RBFOX1: variants seen among roughly 807,000 people sequenced by gnomAD.
RBFOX1 encodes the protein RNA binding fox-1 homolog 1, also known as RNA binding protein fox-1 homolog 1.
RBFOX1 carries 8 observed loss-of-function variants against 57.7 expected under a neutral mutation model. The ratio of observed to expected loss-of-function variants is 0.14; its 90% CI spans 0.08 to 0.25. RBFOX1 has a LOEUF of 0.25. RBFOX1 is among the 10% of genes least tolerant of loss of function. The pLI is 1.00. For missense variants in RBFOX1, 611 were observed against 548.5 expected (o/e 1.11, Z -1.14); for synonymous variants, 326 against 222.4 (o/e 1.47, Z -4.15).
intron 3 of RBFOX1, among the ~76,000 whole-genome samples, chr16:6,957,503 A>G (rs920885295): frequency 3.9e-5 from 6 of 152,238 alleles, no homozygotes; most frequent in East Asian, 1.9e-4. Context: ...CATGGCATTT[A>G]TAAACTTTCA....
intron 3 of RBFOX1, among the ~76,000 whole-genome samples, chr16:6,988,851 A>C (rs756435727): frequency 6.6e-6 from 1 of 150,972 alleles, no homozygotes; most frequent in Non-Finnish European, 1.5e-5. Flanking sequence ...GGCTCACTGC[A>C]TCCTCTCCCT....
At chr16:7,283,904 A>G (rs1439995977) in intron 4 of RBFOX1, among the ~76,000 whole-genome samples, 12 of 152,210 alleles carry the variant, frequency 7.9e-5, no homozygotes, top group Non-Finnish European at 1.8e-4. Flanking sequence ...TTTGGAGCAT[A>G]TTCGTCATTC....
intron 3 of RBFOX1, among the ~76,000 whole-genome samples, chr16:7,003,808 C>T (rs566128334): frequency 2.0e-5 from 3 of 152,212 alleles, no homozygotes; most frequent in East Asian, 3.9e-4. Flanking sequence ...GACTAAAGGA[C>T]AATTCCTTGT....
intron 4 of RBFOX1, among the ~76,000 whole-genome samples, chr16:7,229,852 G>A (rs372414996): frequency 0.038 from 181 of 4,826 alleles, 8 homozygotes; most frequent in East Asian, 0.071. Context: ...GAGAGAGAGG[G>A]AGGAAGGGAG....
At chr16:6,282,549 C>G (rs1156433264) in intron 1 of RBFOX1, among the ~76,000 whole-genome samples, 2 of 152,044 alleles carry the variant, frequency 1.3e-5, no homozygotes, top group East Asian at 3.9e-4. Context: ...CCCACCACCC[C>G]CGACAGGCCC....
intron 3 of RBFOX1, among the ~76,000 whole-genome samples, chr16:6,728,200 G>A (rs776049215): frequency 1.3e-5 from 2 of 152,148 alleles, no homozygotes; most frequent in African/African-American, 2.4e-5. Flanking sequence ...ACTTCTTACG[G>A]TCATTGTATC....
At chr16:5,609,470 A>G (rs2047698849) in intron 3 of RBFOX1, among the ~76,000 whole-genome samples, 1 of 152,188 alleles carries the variant, frequency 6.6e-6, no homozygotes, top group African/African-American at 2.4e-5. Flanking sequence ...CCAGGCTTTT[A>G]TTCAAGAAGG....
chr16:5,662,178 C>G (rs1432004084), intron 3 of RBFOX1, among the ~76,000 whole-genome samples: 1 of 152,102 alleles, frequency 6.6e-6, no homozygotes, highest in Admixed American at 6.6e-5. Context: ...AACTGGGATT[C>G]GTATCAAAGT....
intron 4 of RBFOX1, among the ~76,000 whole-genome samples, chr16:7,080,215 G>C (rs1253366046): frequency 6.6e-6 from 1 of 151,962 alleles, no homozygotes; most frequent in East Asian, 1.9e-4. Flanking sequence ...GGAGTCACAA[G>C]AAGGGTTGAA....
intron 3 of RBFOX1, among the ~76,000 whole-genome samples, chr16:6,810,215 G>GA (rs748131117): frequency 7.2e-5 from 11 of 152,076 alleles, no homozygotes; most frequent in Non-Finnish European, 1.6e-4. Flanking sequence ...TAGCTATCCA[G>GA]AAAATGTCCA....
At position 6,105,804 on chromosome 16, in the gene RBFOX1, G is replaced by A. The variant is rs2096371454; in HGVS notation, c.-127+85812G>A. Among the ~76,000 whole-genome samples the A allele has an allele frequency of 2.0e-5, 3 of 151,878 alleles. 1 individual carries two copies. In the South Asian group the frequency reaches 6.3e-4, roughly 32 times the overall value. On this transcript the variant is annotated intron_variant, in intron 1 of 15. Transcript: ENST00000550418. The stretch of plus-strand genomic sequence containing the variant: ...TTCCTGTATGTATGTGAGAACTCAG[G>A]CACTTAATTGGGCTTAAGCTGTATA...
chr16:6,142,421 C>A (rs1011859738), intron 1 of RBFOX1, among the ~76,000 whole-genome samples: 9 of 151,846 alleles, frequency 5.9e-5, no homozygotes. Flanking sequence ...TGGGGTTTCA[C>A]CATGTTAGCC....
downstream of RBFOX1, among the ~76,000 whole-genome samples, chr16:5,603,855 CT>C (rs1206717204): frequency 6.6e-6 from 1 of 152,212 alleles, no homozygotes; most frequent in African/African-American, 2.4e-5. Flanking sequence ...GCATCCTGAA[CT>C]CGTGGAAGTG....
chr16:5,824,498 A>AG (rs1173221015), intron 3 of RBFOX1, among the ~76,000 whole-genome samples: 10 of 152,184 alleles, frequency 6.6e-5, no homozygotes, highest in Non-Finnish European at 1.5e-5. Context: ...CTCTTCATGC[A>AG]GGGGGCTGCA....
intron 4 of RBFOX1, among the ~76,000 whole-genome samples, chr16:5,899,594 A>T (rs188543090): frequency 2.6e-5 from 4 of 152,322 alleles, no homozygotes; most frequent in Admixed American, 6.5e-5. Flanking sequence ...AAGAGGAAGT[A>T]GCCAAGCTGA....
At chr16:6,811,489 G>A (rs910768267) in intron 3 of RBFOX1, among the ~76,000 whole-genome samples, 1 of 152,162 alleles carries the variant, frequency 6.6e-6, no homozygotes, top group Non-Finnish European at 1.5e-5. Flanking sequence ...TTAGGAGTCA[G>A]GGATGTTTAA....
rs544009319 is a variant in RBFOX1 at position 7,193,138 on chromosome 16, A to G, written c.27+141040A>G. Among the ~76,000 whole-genome samples the G allele has an allele frequency of 3.9e-5, 6 of 152,338 alleles. No individual in the cohort carries two copies. The South Asian group carries it at 1.2e-3, about 32-fold the overall frequency. On this transcript the variant is annotated intron_variant, in intron 4 of 15. Coordinates refer to ENST00000550418, the MANE Select transcript of RBFOX1 (RefSeq NM_018723.4). ...CGGTTGGCCTTGAGATAGGCGCATT[A>G]TCCTGGATTATCTGGATGGATCCAA...
At chr16:6,737,566 C>T (rs2070755612) in intron 3 of RBFOX1, among the ~76,000 whole-genome samples, 1 of 152,160 alleles carries the variant, frequency 6.6e-6, no homozygotes, top group Admixed American at 6.5e-5. Context: ...TAAATCTGGA[C>T]TCTGCTTCTA....
At chr16:6,276,632 C>G (rs538640445) in intron 1 of RBFOX1, among the ~76,000 whole-genome samples, 143 of 152,232 alleles carry the variant, frequency 9.4e-4, no homozygotes, top group Non-Finnish European at 1.7e-3. Flanking sequence ...CATGAGCCTC[C>G]GCGCCCGGCT....
Sources: allele counts gnomAD v4.1 joint callset (sites outside exome capture counted in the v4.1 genomes callset), GRCh38; gene constraint gnomAD v4.1.1; transcripts MANE v1.5; gene names NCBI Gene and HGNC (gene_info 2026-07-23, HGNC 2026-07-21).